The following TMEM232 variants were observed in gnomAD, a reference collection of about 807,000 sequenced individuals.
The protein encoded by TMEM232 is transmembrane protein 232.
A neutral mutation model predicts 78.8 loss-of-function variants in TMEM232; 80 were observed. The observed-to-expected ratio is 1.01, with a 90% CI of 0.85 to 1.22. The LOEUF (loss-of-function observed/expected upper bound fraction) is 1.22, where lower values mean the gene tolerates loss of function less well. Among genes scored for constraint, TMEM232 ranks in the 50% most tolerant of loss-of-function variants. The pLI is 0.00. For synonymous variants in TMEM232, 297 were observed against 254.3 expected, an observed-to-expected ratio of 1.17 and a Z score of -1.60; for missense variants, 881 against 742.2, an observed-to-expected ratio of 1.19 and a Z score of -2.17.
At chr5:110,500,165 G>T (rs1766091078) in intron 12 of TMEM232, among the ~76,000 whole-genome samples, 1 of 151,548 alleles carries the variant, frequency 6.6e-6, no homozygotes, top group South Asian at 2.1e-4. Flanking sequence ...GGTGGCGGGT[G>T]CCTGTAATCT....
chr5:110,599,098 T>C (rs1780557183), intron 10 of TMEM232, among the ~76,000 whole-genome samples: 1 of 151,804 alleles, frequency 6.6e-6, no homozygotes, highest in Admixed American at 6.6e-5. Flanking sequence ...AGAAATAAAA[T>C]CCTTTAGAGA....
intron 12 of TMEM232, among the ~76,000 whole-genome samples, chr5:110,484,978 A>G (rs1229915296): frequency 6.6e-6 from 1 of 152,146 alleles, no homozygotes; most frequent in Non-Finnish European, 1.5e-5. Flanking sequence ...AAAAAATTGA[A>G]AAACAGTAGA....
intron 2 of TMEM232, among the ~76,000 whole-genome samples, chr5:110,414,052 T>C (rs561789941): frequency 4.4e-4 from 67 of 152,290 alleles, no homozygotes; most frequent in Non-Finnish European, 8.2e-4. Flanking sequence ...AAAGCATGAA[T>C]CATTACTCTA....
At chr5:110,646,462 T>C (rs79169497) in intron 2 of TMEM232, among the ~76,000 whole-genome samples, 3,841 of 151,742 alleles carry the variant, frequency 0.025, 154 homozygotes, top group African/African-American at 0.087. Flanking sequence ...GTTGAAAGAA[T>C]ACACAATGCA....
At chr5:110,397,071 C>G (rs1755415646) in intron 3 of TMEM232, among the ~76,000 whole-genome samples, 1 of 152,104 alleles carries the variant, frequency 6.6e-6, no homozygotes, top group Non-Finnish European at 1.5e-5. Context: ...CTCAGAAAGA[C>G]ACTATCTTCC....
chr5:110,404,485 T>TTA (rs1755714418), intron 2 of TMEM232, among the ~76,000 whole-genome samples: 1 of 152,098 alleles, frequency 6.6e-6, no homozygotes, highest in African/African-American at 2.4e-5. Flanking sequence ...AAAAAGTGTT[T>TTA]TAGTTTATTC....
chr5:110,605,060 A>G (rs1257288667), intron 10 of TMEM232, 49 bp downstream of exon 10: 2 of 1,458,062 alleles, frequency 1.4e-6, no homozygotes, highest in South Asian at 1.4e-5. Context: ...ATATGTAGAC[A>G]GTGACACTTA....
chr5:110,470,538 G>A (rs1031445924), intron 12 of TMEM232, among the ~76,000 whole-genome samples: 1 of 151,960 alleles, frequency 6.6e-6, no homozygotes, highest in Admixed American at 6.6e-5. Flanking sequence ...TCCCCATTGT[G>A]GGAAATAAAA....
At chr5:110,430,073 G>T (rs958414775) in intron 12 of TMEM232, 11 of 151,458 alleles carry the variant, frequency 7.3e-5, no homozygotes, top group Admixed American at 2.6e-4. Context: ...GGAATATGTG[G>T]TGGTATATTG....
At chr5:110,511,879 T>A (rs1767800343) in intron 12 of TMEM232, among the ~76,000 whole-genome samples, 2 of 152,152 alleles carry the variant, frequency 1.3e-5, no homozygotes, top group Non-Finnish European at 2.9e-5. Flanking sequence ...CCCTCTGTAG[T>A]CTTCATGAGC....
In TMEM232 at chr5:110,494,737, A is replaced by T. The variant is rs117272417; in HGVS notation, c.1703+33851T>A. ...GAGACACTGAAAAATACCTTATAGGATATTCACACAATAAAATATACCTCT... is the reference window on the plus strand; with the variant it reads ...GAGACACTGAAAAATACCTTATAGGTTATTCACACAATAAAATATACCTCT... On this transcript the variant is annotated intron_variant, in intron 12 of 13. Transcript: ENST00000455884. Among the ~76,000 whole-genome samples the T allele has an allele frequency of 4.1e-4, 62 of 152,192 alleles. No individual in the cohort carries two copies. The East Asian group carries it at 0.01, about 26-fold the overall frequency.
intron 5 of TMEM232, among the ~76,000 whole-genome samples, chr5:110,630,670 G>T (rs1354112891): frequency 1.3e-5 from 2 of 152,104 alleles, no homozygotes; most frequent in African/African-American, 4.8e-5. Context: ...TTCCTGTTAA[G>T]CCTGTGGAAC....
intron 13 of TMEM232, 115 bp from the exon 14 acceptor site, chr5:110,420,871 A>G (rs753593479): frequency 1.4e-4 from 188 of 1,369,106 alleles, no homozygotes; most frequent in Non-Finnish European, 1.7e-4. Flanking sequence ...TTTTTCCATG[A>G]CATTCCTCAA....
Position 110,528,771 on chromosome 5 carries a change from C to T in TMEM232, c.1520G>A (p.Gly507Glu), listed in dbSNP as rs2149528819. The T allele has an allele frequency of 2.0e-6, 3 of 1,532,780 alleles. No homozygotes were observed. The highest frequency in any genetic ancestry group is 3.9e-5 in the Admixed American group (2 of 50,674). 94.9% of individuals were successfully genotyped at this position (1,532,780 alleles called of 1,614,324 possible). A position where few individuals can be genotyped will look rare whatever the true frequency, so the allele number is the denominator to read the frequency against. ...RYSTNISSNV[G>E]EEVFSKYIGW... ...AATATATTTGGAGAAAACTTCTTCT[C>T]CTACATTTGATGAAATATTTGTACT... Residue 507 changes from glycine (G) to glutamate (E), a missense_variant, in exon 12 of 14, where the codon GGA becomes GAA. Physicochemically the swap from Gly to Glu is moderately conservative, Grantham distance 98. Coordinates refer to ENST00000455884, the MANE Select transcript of TMEM232 (RefSeq NM_001039763.4).
At chr5:110,436,068 C>T (rs1181488128) in intron 12 of TMEM232, among the ~76,000 whole-genome samples, 10 of 151,958 alleles carry the variant, frequency 6.6e-5, no homozygotes, top group Admixed American at 6.6e-4. Flanking sequence ...AATTTACATT[C>T]CTACCAATAC....
rs965374625 is a variant in TMEM232 at position 110,484,556 on chromosome 5, C to G, written c.1703+44032G>C. 2.0e-5 allele frequency among the ~76,000 whole-genome samples: 3 copies of G among 151,762 alleles called. No individual in the cohort carries two copies. In the South Asian group the frequency reaches 6.2e-4, roughly 32 times the overall value. On this transcript the variant is annotated intron_variant, in intron 12 of 13. Coordinates refer to ENST00000455884, the MANE Select transcript of TMEM232 (RefSeq NM_001039763.4). The stretch of plus-strand genomic sequence containing the variant: ...AAGAAATAATTTTTAAAAATATTCC[C>G]AATACATGCTATTAACGAGACACAC...
intron 12 of TMEM232, among the ~76,000 whole-genome samples, chr5:110,431,255 C>A (rs1325118934): frequency 6.6e-6 from 1 of 151,556 alleles, no homozygotes; most frequent in East Asian, 1.9e-4. Flanking sequence ...AGAAACTTTA[C>A]AGTTTCTGAA....
chr5:110,728,003 T>G (rs1798324578), upstream of TMEM232, among the ~76,000 whole-genome samples: 1 of 152,054 alleles, frequency 6.6e-6, no homozygotes, highest in South Asian at 2.1e-4. Context: ...TAGAAAAGTG[T>G]TAAAAGCATA....
rs1316220025 is a variant in TMEM232 at position 110,568,628 on chromosome 5, G to A, written c.1277-3C>T. ...ACCAGTCCAGACTACTTGATCACCT[G>A]TTTAAAAAGAAAAAGTCTTTGGGAA... On this transcript the variant is annotated splice_polypyrimidine_tract_variant and splice_region_variant and intron_variant, in intron 10 of 13. Coordinates refer to ENST00000455884, the MANE Select transcript of TMEM232 (RefSeq NM_001039763.4). The A allele has an allele frequency of 3.9e-6, 6 of 1,522,606 alleles. No individual in the cohort carries two copies. The highest frequency in any genetic ancestry group is 4.4e-6 in the Non-Finnish European group (5 of 1,138,788). 94.3% of individuals were successfully genotyped at this position (1,522,606 alleles called of 1,614,324 possible).
Sources: allele counts gnomAD v4.1 joint callset (sites outside exome capture counted in the v4.1 genomes callset), GRCh38; gene constraint gnomAD v4.1.1; transcripts MANE v1.5; gene names NCBI Gene and HGNC (gene_info 2026-07-23, HGNC 2026-07-21).